The following CCDC85C variants were observed in gnomAD, a reference collection of about 807,000 sequenced individuals.
CCDC85C encodes coiled-coil domain containing 85C, also known as coiled-coil domain-containing protein 85C.
Under a neutral mutation model 38.3 loss-of-function variants are expected in CCDC85C, and 18 were observed. The observed-to-expected ratio is 0.47, with a 90% CI of 0.33 to 0.70. CCDC85C has a LOEUF of 0.70. Ranked by LOEUF, CCDC85C falls within the 30% of genes least tolerant of loss-of-function variation. The pLI is 0.03. For missense variants in CCDC85C, 566 were observed against 621.2 expected, an observed-to-expected ratio of 0.91 and a Z score of 0.94; for synonymous variants, 264 against 293.8, an observed-to-expected ratio of 0.90 and a Z score of 1.04.
At chr14:99,577,578 A>G (rs1898507990) in intron 1 of CCDC85C, among the ~76,000 whole-genome samples, 1 of 151,992 alleles carries the variant, frequency 6.6e-6, no homozygotes, top group Admixed American at 6.5e-5. Context: ...TGCACTTGGG[A>G]AGGTGCAGGA....
Position 99,511,523 on chromosome 14 carries a change from C to A in CCDC85C, c.*3723G>T, listed in dbSNP as rs1229124959. On this transcript the variant is annotated 3_prime_UTR_variant, in exon 6 of 6. Transcript: ENST00000380243. ...AAAGCAGTTCTGAAACTATCCCTTT[C>A]TTTGTTATGGGTGGAAGGTGGGGCT... The A allele has an allele frequency of 6.6e-6, 1 of 152,560 alleles. No individual in the cohort carries two copies. Among genetic ancestry groups the A allele is most frequent in the African/African-American group, 2.4e-5 (1 of 41,452 alleles). The allele number at this position is 152,560 out of a possible 1,614,324, so 9.5% of individuals were successfully genotyped here. A position where few individuals can be genotyped will look rare whatever the true frequency, so the allele number is the denominator to read the frequency against.
chr14:99,509,834 C>G lies in CCDC85C; in HGVS notation c.*5412G>C. ...GCAGAAAAACAGAGGAGCCCCCACA[C>G]GTTTTGCACTAGGAAGAGGGGGCTG... On this transcript the variant is annotated 3_prime_UTR_variant, in exon 6 of 6. Coordinates refer to ENST00000380243, the MANE Select transcript of CCDC85C (RefSeq NM_001144995.2). The G allele has an allele frequency of 2.5e-6, 1 of 407,908 alleles. No individual in the cohort carries two copies. Among genetic ancestry groups the G allele is most frequent in the Non-Finnish European group, 4.4e-6 (1 of 227,952 alleles). The allele number at this position is 407,908 out of a possible 1,614,324, so 25.3% of individuals were successfully genotyped here.
In CCDC85C at chr14:99,500,945, C is replaced by T. The variant is rs959351993; in HGVS notation, c.*14301G>A. 27 of 937,762 alleles carry T rather than the reference C, an allele frequency of 2.9e-5. No individual in the cohort carries two copies. The highest frequency in any genetic ancestry group is 2.9e-4 in the Middle Eastern group (1 of 3,484). The allele number at this position is 937,762 out of a possible 1,614,324, so 58.1% of individuals were successfully genotyped here. A position where few individuals can be genotyped will look rare whatever the true frequency, so the allele number is the denominator to read the frequency against. ...TTATAATTTGATGACACTCAAATTA[C>T]GCTTCTCAAAAGCGGAAAACAAAGT... On this transcript the variant is annotated 3_prime_UTR_variant, in exon 6 of 6. Transcript: ENST00000380243.
chr14:99,551,112 T>C (rs1897898251), intron 1 of CCDC85C, among the ~76,000 whole-genome samples: 1 of 152,226 alleles, frequency 6.6e-6, no homozygotes, highest in Non-Finnish European at 1.5e-5. Context: ...CACTAGCTGC[T>C]TGTGACATAA....
intron 1 of CCDC85C, among the ~76,000 whole-genome samples, chr14:99,593,157 C>T (rs2144803): frequency 0.45 from 68,220 of 152,172 alleles, 17,030 homozygotes; most frequent in Non-Finnish European, 0.55. Context: ...GCATTCAGGG[C>T]CCCACACAAT....
In CCDC85C at chr14:99,569,161, A is replaced by G. The variant is rs923721789; in HGVS notation, c.794-33073T>C. ...CTAGCCACAGCAATATCCATCTTTA[A>G]CCAAAGAATAAAGCAGTAAGGCCCA... is the stretch of plus-strand genomic sequence containing the variant. On this transcript the variant is annotated intron_variant, in intron 1 of 5. Transcript: ENST00000380243. The surrounding 1 kb of genome is among the most constrained non-coding windows in gnomAD (Gnocchi z 4.3). 6.6e-6 allele frequency among the ~76,000 whole-genome samples: 1 copy of G among 152,188 alleles called. No individual in the cohort carries two copies. The highest frequency in any genetic ancestry group is 1.5e-5 in the Non-Finnish European group (1 of 68,028).
At chr14:99,591,187 C>G (rs1387887492) in intron 1 of CCDC85C, among the ~76,000 whole-genome samples, 1 of 152,242 alleles carries the variant, frequency 6.6e-6, no homozygotes, top group African/African-American at 2.4e-5. Context: ...TCTTTGTTTT[C>G]TGATCCTGAA....
intron 1 of CCDC85C, among the ~76,000 whole-genome samples, chr14:99,546,223 G>A (rs1038382704): frequency 6.6e-6 from 1 of 151,980 alleles, no homozygotes; most frequent in Non-Finnish European, 1.5e-5. Flanking sequence ...TCTGTGGGAA[G>A]AGCTGGGGGG....
At position 99,533,635 on chromosome 14, in the gene CCDC85C, C is replaced by T. The variant is rs988914312; in HGVS notation, c.867+2380G>A. 1.3e-5 allele frequency among the ~76,000 whole-genome samples: 2 copies of T among 152,208 alleles called. No homozygotes were observed. Among genetic ancestry groups the T allele is most frequent in the African/African-American group, 4.8e-5 (2 of 41,464 alleles). The stretch of plus-strand genomic sequence containing the variant: ...GATCTGATGTCGGTGCCCTGCAGAC[C>T]TGGCCCACGGATGAGGATGTGAACA... On this transcript the variant is annotated intron_variant, in intron 2 of 5. Coordinates refer to ENST00000380243, the MANE Select transcript of CCDC85C (RefSeq NM_001144995.2). The surrounding 1 kb of genome is among the most constrained non-coding windows in gnomAD (Gnocchi z 4.2).
chr14:99,516,125 G>A lies in CCDC85C; in HGVS notation c.1170+63C>T. 7.9e-7 allele frequency: 1 copy of A among 1,259,490 alleles called. No individual in the cohort carries two copies. Among genetic ancestry groups the A allele is most frequent in the African/African-American group, 1.5e-5 (1 of 67,568 alleles). The allele number at this position is 1,259,490 out of a possible 1,614,324, so 78.0% of individuals were successfully genotyped here. A position where few individuals can be genotyped will look rare whatever the true frequency, so the allele number is the denominator to read the frequency against. ...CCCACATGGGGAAGGGTATGGCCAT[G>A]CTGGGTGGCCCTGGTCGCACTCCCA... On this transcript the variant is annotated intron_variant, in intron 5 of 5. Transcript: ENST00000380243. This position sits in a 1 kb window ranked among gnomAD's most constrained non-coding sequence, Gnocchi z 5.5.
At chr14:99,552,678 C>T (rs1227843313) in intron 1 of CCDC85C, among the ~76,000 whole-genome samples, 1 of 152,236 alleles carries the variant, frequency 6.6e-6, no homozygotes, top group African/African-American at 2.4e-5. Context: ...CAGGCCCTCC[C>T]CATCCTGTCA....
chr14:99,527,982 G>C (rs553586786), intron 2 of CCDC85C, among the ~76,000 whole-genome samples: 1 of 152,290 alleles, frequency 6.6e-6, no homozygotes, highest in South Asian at 2.1e-4. Flanking sequence ...TCACTGTCTT[G>C]CTATTATTTT....
intron 1 of CCDC85C, among the ~76,000 whole-genome samples, chr14:99,594,267 C>G (rs961898266): frequency 6.6e-6 from 1 of 152,204 alleles, no homozygotes; most frequent in African/African-American, 2.4e-5. Flanking sequence ...CCCAGCAAAC[C>G]TGCACCAGGA....
chr14:99,574,600 C>A (rs111963653), intron 1 of CCDC85C, among the ~76,000 whole-genome samples: 1 of 152,060 alleles, frequency 6.6e-6, no homozygotes, highest in African/African-American at 2.4e-5. Context: ...GGGTGGCCTG[C>A]GAGGAATTTA....
At position 99,515,226 on chromosome 14, in the gene CCDC85C, A is replaced by T; in HGVS notation, c.*20T>A. On this transcript the variant is annotated 3_prime_UTR_variant, in exon 6 of 6. Coordinates refer to ENST00000380243, the MANE Select transcript of CCDC85C (RefSeq NM_001144995.2). ...TGGGGACCCCCAGCAGGGCCAGTCC[A>T]CGTCCACAGAAGAGTGGCCCTACAA... 6.5e-7 allele frequency: 1 copy of T among 1,540,804 alleles called. No individual in the cohort carries two copies. The highest frequency in any genetic ancestry group is 8.8e-7 in the Non-Finnish European group (1 of 1,138,722).
In CCDC85C at chr14:99,508,017, G is replaced by A. The variant is rs547896897; in HGVS notation, c.*7229C>T. The A allele has an allele frequency of 3.9e-5, 6 of 152,344 alleles. No homozygotes were observed. In the East Asian group the frequency reaches 9.7e-4, roughly 25 times the overall value. 9.4% of individuals were successfully genotyped at this position (152,344 alleles called of 1,614,324 possible). A position where few individuals can be genotyped will look rare whatever the true frequency, so the allele number is the denominator to read the frequency against. Reference sequence around the variant, plus strand: ...TCTCCAAAAGGTGGTCGATACTCCGGAGGCTTCCAAGCCTCTGTCAGCAGC... The same window carrying A: ...TCTCCAAAAGGTGGTCGATACTCCGAAGGCTTCCAAGCCTCTGTCAGCAGC... On this transcript the variant is annotated 3_prime_UTR_variant, in exon 6 of 6. Transcript: ENST00000380243.
intron 1 of CCDC85C, among the ~76,000 whole-genome samples, chr14:99,591,169 A>AC (rs2055081538): frequency 6.6e-6 from 1 of 152,190 alleles, no homozygotes; most frequent in Non-Finnish European, 1.5e-5. Context: ...ACCGTTTAAA[A>AC]GCCACGTTCT....
Position 99,533,411 on chromosome 14 carries a change from T to C in CCDC85C, c.867+2604A>G, listed in dbSNP as rs1897530927. Among the ~76,000 whole-genome samples, 1 of 152,244 alleles carries C rather than the reference T, an allele frequency of 6.6e-6. No individual in the cohort carries two copies. The highest frequency in any genetic ancestry group is 1.5e-5 in the Non-Finnish European group (1 of 68,032). On this transcript the variant is annotated intron_variant, in intron 2 of 5. Transcript: ENST00000380243. The surrounding 1 kb of genome is among the most constrained non-coding windows in gnomAD (Gnocchi z 4.2). ...GCAGCATGGCTTGACTGGGCATCATTTGGTGAGAAAGCAAATTTCTGCTAA... is the reference window on the plus strand; with the variant it reads ...GCAGCATGGCTTGACTGGGCATCATCTGGTGAGAAAGCAAATTTCTGCTAA...
chr14:99,579,927 G>C (rs1276863118), intron 1 of CCDC85C: 6 of 347,926 alleles, frequency 1.7e-5, no homozygotes, highest in Admixed American at 9.8e-5. Context: ...ACCCCCGTCT[G>C]GCTCAGTCCA....
Sources: gnomAD v4.1 joint callset for allele counts (sites outside exome capture counted in the v4.1 genomes callset) on GRCh38, gnomAD v4.1.1 for gene constraint, Gnocchi (gnomAD v3.1) non-coding constraint, MANE v1.5 for transcripts, NCBI Gene and HGNC (gene_info 2026-07-23, HGNC 2026-07-21) for gene names.